NRXN1: variants seen among roughly 807,000 people sequenced by gnomAD.
The protein encoded by NRXN1 is neurexin 1, also known as neurexin-1.
Under a neutral mutation model 150.9 loss-of-function variants are expected in NRXN1, and 39 were observed. That is an observed-to-expected ratio of 0.26 (90% CI 0.20 to 0.34). The LOEUF (loss-of-function observed/expected upper bound fraction) is 0.34. Among genes scored for constraint, NRXN1 ranks in the 10% least tolerant of loss-of-function variants. The pLI is 1.00. For missense variants in NRXN1, 1,815 were observed against 1,949.9 expected, an observed-to-expected ratio of 0.93 and a Z score of 1.30; for synonymous variants, 924 against 757.0, an observed-to-expected ratio of 1.22 and a Z score of -3.62.
intron 2 of NRXN1, among the ~76,000 whole-genome samples, chr2:50,950,670 G>C (rs907539288): frequency 6.6e-6 from 1 of 152,144 alleles, no homozygotes; most frequent in Non-Finnish European, 1.5e-5. Flanking sequence ...CCAATTCTAA[G>C]CTGAAAAGCA....
chr2:50,269,831 C>T (rs907618222), intron 17 of NRXN1, among the ~76,000 whole-genome samples: 5 of 152,080 alleles, frequency 3.3e-5, no homozygotes, highest in Admixed American at 6.6e-5. Context: ...CTTAAAGAGG[C>T]GGAAAGGTCT....
chr2:50,649,259 TACACACACACAC>T lies in NRXN1; in HGVS notation c.833-25656_833-25645del, dbSNP rs10634117. Reference sequence around the variant, plus strand: ...AAGCATGTATACACACATACACACATACACACACACACACACACACACACACACACACACACA... The same window carrying T: ...AAGCATGTATACACACATACACACATACACACACACACACACACACACACA... On this transcript the variant is annotated intron_variant, in intron 5 of 22. Coordinates refer to ENST00000401669, the MANE Select transcript of NRXN1 (RefSeq NM_001330078.2). 2.2e-3 allele frequency among the ~76,000 whole-genome samples: 314 copies of T among 143,326 alleles called. 1 individual carries two copies. The highest frequency in any genetic ancestry group is 1.5e-3 in the Non-Finnish European group (98 of 65,392). The allele number at this position is 143,326 out of a possible 152,430, so 94.0% of individuals were successfully genotyped here.
At chr2:50,817,468 TAGAAG>T (rs1669097130) in intron 5 of NRXN1, among the ~76,000 whole-genome samples, 1 of 151,844 alleles carries the variant, frequency 6.6e-6, no homozygotes, top group Non-Finnish European at 1.5e-5. Flanking sequence ...TTCTAAGAAA[TAGAAG>T]AGAAGAGAAC....
At chr2:50,987,667 C>A (rs941080739) in intron 2 of NRXN1, among the ~76,000 whole-genome samples, 2 of 151,916 alleles carry the variant, frequency 1.3e-5, no homozygotes, top group African/African-American at 4.8e-5. Flanking sequence ...CTTAAGGCAG[C>A]TTCTAATAAA....
In NRXN1 at chr2:50,759,826, C is replaced by CTGTGTGTGTG. The variant is rs72209781; in HGVS notation, c.833-136221_833-136212dup. 1.6e-3 allele frequency among the ~76,000 whole-genome samples: 221 copies of CTGTGTGTGTG among 142,398 alleles called. 2 individuals carry two copies. Among genetic ancestry groups the CTGTGTGTGTG allele is most frequent in the African/African-American group, 5.0e-3 (190 of 38,226 alleles). The allele number at this position is 142,398 out of a possible 152,430, so 93.4% of individuals were successfully genotyped here. ...GCTTAGCACTATCAATCTAACTAAGCTGTGTGTGTGTGTGTGTGTGTGTGT... is the reference window on the plus strand; with the variant it reads ...GCTTAGCACTATCAATCTAACTAAGCTGTGTGTGTGTGTGTGTGTGTGTGTGTGTGTGTGT... On this transcript the variant is annotated intron_variant, in intron 5 of 22. Coordinates refer to ENST00000401669, the MANE Select transcript of NRXN1 (RefSeq NM_001330078.2).
chr2:50,486,590 T>C (rs530021246), intron 15 of NRXN1, among the ~76,000 whole-genome samples: 80 of 152,142 alleles, frequency 5.3e-4, no homozygotes, highest in South Asian at 2.7e-3. Flanking sequence ...CTTTTTACAG[T>C]CCCAGAACTC....
chr2:50,064,328 A>T (rs181529084), intron 19 of NRXN1, among the ~76,000 whole-genome samples: 1 of 152,050 alleles, frequency 6.6e-6, no homozygotes, highest in Admixed American at 6.6e-5. Context: ...AAATCTTTTA[A>T]ATCTTATTTT....
intron 18 of NRXN1, among the ~76,000 whole-genome samples, chr2:50,095,156 C>A (rs1411820494): frequency 6.6e-6 from 1 of 152,184 alleles, no homozygotes; most frequent in African/African-American, 2.4e-5. Flanking sequence ...GAGGCTTTAA[C>A]TGACTTCTGC....
At position 51,027,995 on chromosome 2, in the gene NRXN1, G is replaced by C. The variant is rs200797922; in HGVS notation, c.279C>G (p.Phe93Leu). ...TCGCAGGCTCAGCGCAGAAGATGGA[G>C]AAGCTGAGCTGCAGGCGGCCGCCGC... ...LTRGGRLQLS[F>L]SIFCAEPATL... The change falls in exon 2 of 23, where the codon TTC (phenylalanine) becomes TTG (leucine). Residue 93 changes from phenylalanine (F) to leucine (L), a missense_variant. Around this residue, in one of 6 missense-constraint regions of NRXN1, gnomAD observed 554 missense variants for 478.8 expected, o/e 1.16. Coordinates refer to ENST00000401669, the MANE Select transcript of NRXN1 (RefSeq NM_001330078.2). 6.2e-7 allele frequency: 1 copy of C among 1,600,796 alleles called. No individual in the cohort carries two copies. Among genetic ancestry groups the C allele is most frequent in the Non-Finnish European group, 8.5e-7 (1 of 1,178,526 alleles).
At chr2:50,560,904 T>C (rs1668977732) in intron 8 of NRXN1, among the ~76,000 whole-genome samples, 1 of 152,126 alleles carries the variant, frequency 6.6e-6, no homozygotes, top group African/African-American at 2.4e-5. Flanking sequence ...AAACCTGTTA[T>C]AAAATGGAAA....
intron 2 of NRXN1, among the ~76,000 whole-genome samples, chr2:51,017,360 G>A (rs1201511805): frequency 1.3e-5 from 2 of 149,974 alleles, no homozygotes; most frequent in African/African-American, 5.0e-5. Context: ...TTAAGAGATA[G>A]GGTCTTGCTC....
intron 2 of NRXN1, among the ~76,000 whole-genome samples, chr2:51,008,736 A>C (rs1251699189): frequency 6.6e-6 from 1 of 151,632 alleles, no homozygotes; most frequent in Non-Finnish European, 1.5e-5. Flanking sequence ...AATATATATA[A>C]ATATAAATTT....
At chr2:50,029,881 C>A (rs1356020531) in intron 21 of NRXN1, among the ~76,000 whole-genome samples, 1 of 152,060 alleles carries the variant, frequency 6.6e-6, no homozygotes, top group African/African-American at 2.4e-5. Flanking sequence ...ATAAGAATAT[C>A]TATCTACCTC....
At chr2:50,448,361 C>T (rs1409573977) in intron 17 of NRXN1, among the ~76,000 whole-genome samples, 1 of 152,092 alleles carries the variant, frequency 6.6e-6, no homozygotes, top group Non-Finnish European at 1.5e-5. Context: ...AAACCTGACT[C>T]CATTGTATTG....
chr2:50,800,060 GC>G (rs1707375546), intron 5 of NRXN1, among the ~76,000 whole-genome samples: 1 of 152,142 alleles, frequency 6.6e-6, no homozygotes, highest in African/African-American at 2.4e-5. Context: ...CTGTAGTTAT[GC>G]AAAAAGCCAA....
chr2:50,465,642 A>T (rs1461395099), intron 16 of NRXN1, 81 bp from the exon 17 acceptor site: 1 of 1,418,520 alleles, frequency 7.0e-7, no homozygotes, highest in African/African-American at 1.4e-5. Flanking sequence ...CACATGTAGT[A>T]GTTGCCAACA....
intron 17 of NRXN1, among the ~76,000 whole-genome samples, chr2:50,256,075 G>C (rs1348450266): frequency 6.6e-6 from 1 of 152,108 alleles, no homozygotes; most frequent in Admixed American, 6.6e-5. Flanking sequence ...TGAAACAGCA[G>C]GCAGTATAAA....
At chr2:50,779,645 G>A (rs1444364685) in intron 5 of NRXN1, among the ~76,000 whole-genome samples, 2 of 152,130 alleles carry the variant, frequency 1.3e-5, no homozygotes, top group Admixed American at 1.3e-4. Context: ...GCGGGTGCCT[G>A]TAGTCCCAGC....
intron 5 of NRXN1, among the ~76,000 whole-genome samples, chr2:50,842,620 A>G (rs764384106): frequency 1.2e-4 from 19 of 152,220 alleles, no homozygotes; most frequent in Non-Finnish European, 2.2e-4. Context: ...TCTGATATCC[A>G]TTTGTGTAGT....
Sources: allele counts gnomAD v4.1 joint callset (sites outside exome capture counted in the v4.1 genomes callset), GRCh38; gene constraint gnomAD v4.1.1; regional missense constraint gnomAD v4.1.1; transcripts MANE v1.5; gene names NCBI Gene and HGNC (gene_info 2026-07-23, HGNC 2026-07-21).